Variants in ADAMTSL3 observed in about 807,000 individuals in gnomAD.
ADAMTSL3 encodes the protein ADAMTS-like protein 3.
Under a neutral mutation model 201.7 loss-of-function variants are expected in ADAMTSL3, and 128 were observed. The observed-to-expected ratio is 0.63, with a 90% confidence interval of 0.55 to 0.73. The LOEUF (loss-of-function observed/expected upper bound fraction) is 0.73. Among genes scored for constraint, ADAMTSL3 ranks in the 30% least tolerant of loss-of-function variants. The probability of loss-of-function intolerance (pLI) is 0.00; values close to 1 mark genes in which losing one functional copy is unlikely to be tolerated. For synonymous variants in ADAMTSL3, 738 were observed against 748.4 expected (o/e 0.99, Z 0.23); for missense variants, 1,990 against 2,119.6 (o/e 0.94, Z 1.20).
At chr15:83,692,449 G>T (rs1340283900) in intron 2 of ADAMTSL3, among the ~76,000 whole-genome samples, 1 of 151,940 alleles carries the variant, frequency 6.6e-6, no homozygotes, top group African/African-American at 2.4e-5. Context: ...ACTTTGGGAG[G>T]CCGAGGTGGG....
intron 3 of ADAMTSL3, among the ~76,000 whole-genome samples, chr15:83,705,768 C>A (rs535365089): frequency 1.3e-5 from 2 of 152,148 alleles, no homozygotes; most frequent in Non-Finnish European, 2.9e-5. Context: ...GGCTTCATTC[C>A]AGAGCTGGGA....
intron 23 of ADAMTSL3, among the ~76,000 whole-genome samples, chr15:83,997,910 A>T (rs1454908744): frequency 2.0e-5 from 3 of 152,116 alleles, no homozygotes; most frequent in African/African-American, 7.2e-5. Context: ...CTTTGCAGGA[A>T]TCTGGGACAA....
intron 19 of ADAMTSL3, among the ~76,000 whole-genome samples, chr15:83,966,264 T>G (rs1013663510): frequency 6.6e-6 from 1 of 152,068 alleles, no homozygotes; most frequent in African/African-American, 2.4e-5. Context: ...TTGAAAAGAT[T>G]CGCAAAATAC....
chr15:83,944,467 A>G (rs1319553657), intron 19 of ADAMTSL3, among the ~76,000 whole-genome samples: 2 of 152,236 alleles, frequency 1.3e-5, no homozygotes, highest in East Asian at 1.9e-4. Context: ...AAGGAAGGAC[A>G]GTGAGTGACA....
chr15:83,691,659 G>T (rs1053866823), intron 2 of ADAMTSL3, among the ~76,000 whole-genome samples: 1 of 151,962 alleles, frequency 6.6e-6, no homozygotes, highest in Admixed American at 6.6e-5. Flanking sequence ...TTATTGCCTA[G>T]GCTGGAGTGC....
At chr15:83,717,713 C>CA (rs922419443) in intron 3 of ADAMTSL3, among the ~76,000 whole-genome samples, 6 of 151,984 alleles carry the variant, frequency 3.9e-5, no homozygotes, top group African/African-American at 1.4e-4. Context: ...ATAATAAAAG[C>CA]AAAAAAACCT....
chr15:84,008,874 A>G (rs1329256102), intron 23 of ADAMTSL3, among the ~76,000 whole-genome samples: 3 of 152,170 alleles, frequency 2.0e-5, no homozygotes, highest in African/African-American at 7.2e-5. Flanking sequence ...CAAGGCAGTT[A>G]TTTAATTTGC....
intron 2 of ADAMTSL3, among the ~76,000 whole-genome samples, chr15:83,673,150 G>T (rs1173529014): frequency 1.3e-5 from 2 of 152,250 alleles, no homozygotes; most frequent in African/African-American, 4.8e-5. Context: ...TTGTGAGAGG[G>T]CTGTTCACCT....
chr15:83,809,098 G>C lies in ADAMTSL3; in HGVS notation c.363+4403G>C, dbSNP rs376019471. 1.2e-4 allele frequency among the ~76,000 whole-genome samples: 18 copies of C among 152,176 alleles called. No individual in the cohort carries two copies. In the East Asian group the frequency reaches 2.7e-3, roughly 23 times the overall value. ...GTGGAGTAGCTATAGTAAACAGCAA[G>C]ACATTGTATATCTCAATTTAGCCAG... On this transcript the variant is annotated intron_variant, in intron 5 of 29. Transcript: ENST00000286744.
intron 10 of ADAMTSL3, 45 bp downstream of exon 10, chr15:83,885,257 G>C: frequency 3.4e-6 from 5 of 1,453,264 alleles, no homozygotes; most frequent in Non-Finnish European, 4.8e-6. Context: ...CTCAGAGTTA[G>C]ATAAATTAGA....
At chr15:83,958,702 CAA>C (rs1280620850) in intron 19 of ADAMTSL3, among the ~76,000 whole-genome samples, 1 of 151,824 alleles carries the variant, frequency 6.6e-6, no homozygotes, top group African/African-American at 2.4e-5. Context: ...CTCAGTGTTA[CAA>C]AATGAGCTAA....
chr15:83,891,468 G>T, intron 12 of ADAMTSL3, 89 bp downstream of exon 12: 1 of 1,081,422 alleles, frequency 9.2e-7, no homozygotes. Context: ...AATGTATGAG[G>T]GTTAGATATT....
chr15:83,680,823 T>G (rs1476009175), intron 2 of ADAMTSL3, among the ~76,000 whole-genome samples: 1 of 152,160 alleles, frequency 6.6e-6, no homozygotes, highest in Non-Finnish European at 1.5e-5. Context: ...AATTATTGTC[T>G]TAATAAGATA....
intron 20 of ADAMTSL3, among the ~76,000 whole-genome samples, chr15:83,975,031 T>G (rs1170244028): frequency 4.8e-5 from 6 of 125,700 alleles, no homozygotes; most frequent in African/African-American, 1.6e-4. Flanking sequence ...TGAGACGGAG[T>G]CTCGCTCTCG....
chr15:83,841,410 G>T (rs1047590731), intron 7 of ADAMTSL3, among the ~76,000 whole-genome samples: 15 of 152,214 alleles, frequency 9.9e-5, no homozygotes, highest in African/African-American at 2.4e-5. Flanking sequence ...TAAGTCCTGG[G>T]TCTGTTGCTT....
chr15:83,687,727 G>C (rs138791586), intron 2 of ADAMTSL3, among the ~76,000 whole-genome samples: 1 of 152,110 alleles, frequency 6.6e-6, no homozygotes, highest in African/African-American at 2.4e-5. Flanking sequence ...GAATATGAAA[G>C]CAGCACACCT....
intron 7 of ADAMTSL3, among the ~76,000 whole-genome samples, chr15:83,844,618 A>G (rs1338639217): frequency 2.0e-5 from 3 of 152,156 alleles, no homozygotes; most frequent in Non-Finnish European, 4.4e-5. Flanking sequence ...TTTTAATGGA[A>G]TTAAAAGTTT....
chr15:83,964,852 G>T (rs1003481224), intron 19 of ADAMTSL3, among the ~76,000 whole-genome samples: 1 of 152,168 alleles, frequency 6.6e-6, no homozygotes, highest in Non-Finnish European at 1.5e-5. Context: ...AGCCAGAATA[G>T]AATGGGGCCA....
At chr15:83,656,043 G>A (rs1595976622) in intron 2 of ADAMTSL3, among the ~76,000 whole-genome samples, 2 of 152,092 alleles carry the variant, frequency 1.3e-5, no homozygotes, top group East Asian at 3.9e-4. Context: ...TCCTGAGTAG[G>A]GCTTTAATAG....
Sources: allele counts gnomAD v4.1 joint callset (sites outside exome capture counted in the v4.1 genomes callset), GRCh38; gene constraint gnomAD v4.1.1; transcripts MANE v1.5; gene names NCBI Gene and HGNC (gene_info 2026-07-23, HGNC 2026-07-21).